Variants in ZNF841 observed in about 807,000 individuals in gnomAD.
ZNF841 encodes the protein zinc finger protein 841.
A neutral mutation model predicts 13.0 loss-of-function variants in ZNF841; 11 were observed. The ratio of observed to expected loss-of-function variants is 0.85; its 90% CI spans 0.53 to 1.40. ZNF841 has a LOEUF of 1.40. Among genes scored for constraint, ZNF841 ranks in the 40% most tolerant of loss-of-function variants. The pLI is 0.00. For synonymous variants in ZNF841, 369 were observed against 381.6 expected (o/e 0.97, Z 0.38); for missense variants, 1,068 against 1,139.5 (o/e 0.94, Z 0.90).
In ZNF841 at chr19:52,065,206, G is replaced by A; in HGVS notation, c.2676C>T (p.Leu892=). 1.2e-6 allele frequency: 2 copies of A among 1,610,570 alleles called. No homozygotes were observed. Among genetic ancestry groups the A allele is most frequent in the Non-Finnish European group, 1.7e-6 (2 of 1,178,236 alleles). ...CAGCATGTTTTATCTGATGTTTAGTGAGGCCTGAGCGACTAATGTAAGATT... is the reference window on the plus strand; with the variant it reads ...CAGCATGTTTTATCTGATGTTTAGTAAGGCCTGAGCGACTAATGTAAGATT... ...CGKSYISRSG[L]TKHQIKHAGE... is the part of the protein sequence containing the mutation. The change falls in exon 7 of 7, where the codon CTC becomes CTT. Residue 892 remains leucine, a synonymous_variant. Coordinates refer to ENST00000594440, the MANE Select transcript of ZNF841 (RefSeq NM_001136499.2).
At chr19:52,069,834 C>T (rs1358283159) in intron 6 of ZNF841, among the ~76,000 whole-genome samples, 2 of 152,228 alleles carry the variant, frequency 1.3e-5, no homozygotes, top group East Asian at 3.9e-4. Context: ...GTTTAAACCA[C>T]CCTATCTATG....
At position 52,087,801 on chromosome 19, in the gene ZNF841, C is replaced by T. The variant is rs965877838; in HGVS notation, c.-78+1136G>A. ...AGGAGATTGAGACCAGCCTGGCCAACGTGGTGAAACCCCGTCTCTACTAAA... is the reference window on the plus strand; with the variant it reads ...AGGAGATTGAGACCAGCCTGGCCAATGTGGTGAAACCCCGTCTCTACTAAA... On this transcript the variant is annotated intron_variant, in intron 3 of 6. Transcript: ENST00000594440. 3.3e-5 allele frequency among the ~76,000 whole-genome samples: 5 copies of T among 152,086 alleles called. No individual in the cohort carries two copies. In the South Asian group the frequency reaches 6.2e-4, roughly 19 times the overall value.
chr19:52,067,677 A>T, intron 6 of ZNF841, 67 bp from the exon 7 acceptor site: 1 of 1,140,104 alleles, frequency 8.8e-7, no homozygotes, highest in South Asian at 2.3e-5. Flanking sequence ...TTATACTGAA[A>T]ACACACTACG....
At chr19:52,059,348 T>TAA in the ZNF841 span, among the ~76,000 whole-genome samples, 444 of 45,716 alleles carry the variant, frequency 9.7e-3, 4 homozygotes, top group South Asian at 0.023. Flanking sequence ...AGACTCTGTC[T>TAA]AAAAAAAAAA....
At chr19:52,075,460 C>T (rs2087869054) in intron 6 of ZNF841, among the ~76,000 whole-genome samples, 1 of 152,190 alleles carries the variant, frequency 6.6e-6, no homozygotes, top group Non-Finnish European at 1.5e-5. Flanking sequence ...TCCCGTGTCA[C>T]AAACCCAAGA....
intron 2 of ZNF841, among the ~76,000 whole-genome samples, chr19:52,093,175 A>G (rs1403640459): frequency 2.0e-5 from 3 of 152,224 alleles, no homozygotes; most frequent in Non-Finnish European, 4.4e-5. Flanking sequence ...TATTATTCAT[A>G]ACAGCCAAGA....
At chr19:52,075,583 C>T (rs959909472) in intron 6 of ZNF841, among the ~76,000 whole-genome samples, 3 of 152,160 alleles carry the variant, frequency 2.0e-5, no homozygotes, top group Non-Finnish European at 2.9e-5. Flanking sequence ...ACCAATGTTT[C>T]CTCATCTCCT....
rs1359101008 is a variant in ZNF841 at position 52,064,506 on chromosome 19, T to A, written c.*601A>T. 1 of 153,682 alleles carries A rather than the reference T, an allele frequency of 6.5e-6. No individual in the cohort carries two copies. Among genetic ancestry groups the A allele is most frequent in the Non-Finnish European group, 1.5e-5 (1 of 68,064 alleles). 9.5% of individuals were successfully genotyped at this position (153,682 alleles called of 1,614,324 possible). A position where few individuals can be genotyped will look rare whatever the true frequency, so the allele number is the denominator to read the frequency against. On this transcript the variant is annotated 3_prime_UTR_variant, in exon 7 of 7. Coordinates refer to ENST00000594440, the MANE Select transcript of ZNF841 (RefSeq NM_001136499.2). The stretch of plus-strand genomic sequence containing the variant: ...TTAATTGACTCACAATTTTGCAGGC[T>A]TTATAGGAAACATGGCGCTGACGTC...
intron 4 of ZNF841, 127 bp from the exon 5 acceptor site, chr19:52,077,211 CTG>C: frequency 9.2e-7 from 1 of 1,083,300 alleles, no homozygotes; most frequent in South Asian, 1.8e-5. Context: ...TTAAAAGTAT[CTG>C]TGAGATAATT....
intron 6 of ZNF841, among the ~76,000 whole-genome samples, chr19:52,074,660 G>A (rs1600088658): frequency 6.6e-6 from 1 of 152,168 alleles, no homozygotes; most frequent in Non-Finnish European, 1.5e-5. Flanking sequence ...GGGATTACAG[G>A]TGCCTGCCAC....
At chr19:52,089,981 G>A (rs117518771) in intron 2 of ZNF841, among the ~76,000 whole-genome samples, 3,625 of 152,234 alleles carry the variant, frequency 0.024, 55 homozygotes, top group Middle Eastern at 0.051. Context: ...TGGGCCTTCA[G>A]TATGAAGACC....
rs2087884330 is a variant in ZNF841, at chr19:52,075,918, G to C, written c.271+126C>G. On this transcript the variant is annotated intron_variant, in intron 6 of 6. Coordinates refer to ENST00000594440, the MANE Select transcript of ZNF841 (RefSeq NM_001136499.2). Reference sequence around the variant, plus strand: ...GTCTGGAAAGCAAAGTGATAAGCAGGAAAGAAGAAAACTTCTGGAGCTCAC... The same window carrying C: ...GTCTGGAAAGCAAAGTGATAAGCAGCAAAGAAGAAAACTTCTGGAGCTCAC... 2.3e-6 allele frequency: 3 copies of C among 1,325,550 alleles called. No homozygotes were observed. The East Asian group carries it at 7.6e-5, about 34-fold the overall frequency. The allele number at this position is 1,325,550 out of a possible 1,614,324, so 82.1% of individuals were successfully genotyped here.
At chr19:52,061,242 T>G (rs1273301692), downstream of ZNF841, among the ~76,000 whole-genome samples, 1 of 152,160 alleles carries the variant, frequency 6.6e-6, no homozygotes, top group Non-Finnish European at 1.5e-5. Context: ...TCCTCAACCA[T>G]GGAAATCAAT....
chr19:52,077,172 T>C (rs909198446), intron 4 of ZNF841, 88 bp from the exon 5 acceptor site: 32 of 1,409,660 alleles, frequency 2.3e-5, no homozygotes, highest in Non-Finnish European at 2.8e-5. Context: ...GTCACATCAA[T>C]TTGATTGAAG....
chr19:52,081,046 A>G (rs1162572767), intron 4 of ZNF841, among the ~76,000 whole-genome samples: 1 of 152,224 alleles, frequency 6.6e-6, no homozygotes, highest in Non-Finnish European at 1.5e-5. Context: ...TGAAGAACTA[A>G]AAGGAAATGG....
chr19:52,087,036 T>C (rs1247521551), intron 3 of ZNF841, among the ~76,000 whole-genome samples: 2 of 152,314 alleles, frequency 1.3e-5, no homozygotes, highest in East Asian at 3.9e-4. Context: ...TTTGTTTTAA[T>C]TAGGGCACAG....
chr19:52,074,539 C>T (rs1027183106), intron 6 of ZNF841, among the ~76,000 whole-genome samples: 2 of 150,566 alleles, frequency 1.3e-5, no homozygotes, highest in Non-Finnish European at 3.0e-5. Context: ...TTTTTTGAGA[C>T]AAAGTCTCGC....
At chr19:52,076,229 G>T (rs1381404145) in intron 5 of ZNF841, 57 bp from the exon 6 acceptor site, 1 of 1,527,952 alleles carries the variant, frequency 6.5e-7, no homozygotes, top group East Asian at 2.5e-5. Context: ...CCAGCCTAAT[G>T]TCTAGGTAGA....
At chr19:52,059,388 TATACACAC>T in the ZNF841 span, among the ~76,000 whole-genome samples, 37 of 118,150 alleles carry the variant, frequency 3.1e-4, 1 homozygote, top group African/African-American at 1.2e-3. Context: ...TATATATATA[TATACACAC>T]ACACACACAC....
Sources: gnomAD v4.1 joint callset for allele counts (sites outside exome capture counted in the v4.1 genomes callset) on GRCh38, gnomAD v4.1.1 for gene constraint, MANE v1.5 for transcripts, NCBI Gene and HGNC (gene_info 2026-07-23, HGNC 2026-07-21) for gene names.